Variants in CIMIP2C observed in about 807,000 individuals in gnomAD.
CIMIP2C encodes UPF0573 protein C2orf70.
chr2:26,571,466 A>G, the CIMIP2C span, among the ~76,000 whole-genome samples: 2 of 152,166 alleles, frequency 1.3e-5, no homozygotes, highest in African/African-American at 4.8e-5. Context: ...TGACACATGC[A>G]CCCCATGACT....
chr2:26,575,949 A>C, the CIMIP2C span: 2 of 1,613,480 alleles, frequency 1.2e-6, no homozygotes, highest in Non-Finnish European at 1.7e-6. Flanking sequence ...GGCGCTCCCT[A>C]CGGCACCACC....
chr2:26,564,024 G>T, the CIMIP2C span, among the ~76,000 whole-genome samples: 1 of 152,216 alleles, frequency 6.6e-6, no homozygotes, highest in East Asian at 1.9e-4. Flanking sequence ...AGACATTCAT[G>T]TGGGTCAGTG....
the CIMIP2C span, among the ~76,000 whole-genome samples, chr2:26,575,256 G>A: frequency 1.3e-5 from 2 of 152,214 alleles, no homozygotes; most frequent in Admixed American, 1.3e-4. Context: ...CTGGGAGCAA[G>A]GCTGCGGCGT....
At chr2:26,563,130 G>C in the CIMIP2C span, 4 of 165,304 alleles carry the variant, frequency 2.4e-5, no homozygotes, top group South Asian at 7.2e-4. Flanking sequence ...GTTGGTTGAA[G>C]GAGGGAAGGA....
At chr2:26,577,154 G>C in the CIMIP2C span, among the ~76,000 whole-genome samples, 31 of 152,216 alleles carry the variant, frequency 2.0e-4, no homozygotes, top group African/African-American at 5.1e-4. Flanking sequence ...GGGAAGGAGA[G>C]GGGGGAGGAA....
At chr2:26,579,401 G>A in the CIMIP2C span, 18 of 1,613,966 alleles carry the variant, frequency 1.1e-5, no homozygotes, top group Middle Eastern at 1.6e-4. Flanking sequence ...CCACAGGAGC[G>A]GAAAAAGAGA....
At chr2:26,569,964 C>T in the CIMIP2C span, among the ~76,000 whole-genome samples, 1 of 152,168 alleles carries the variant, frequency 6.6e-6, no homozygotes, top group Non-Finnish European at 1.5e-5. Flanking sequence ...CAAAGGAACA[C>T]AAATGCAGGT....
the CIMIP2C span, among the ~76,000 whole-genome samples, chr2:26,572,954 A>G: frequency 1.3e-5 from 2 of 152,222 alleles, no homozygotes; most frequent in South Asian, 2.1e-4. Flanking sequence ...TATTGAATCT[A>G]TATCTTGATT....
At chr2:26,575,702 A>T in the CIMIP2C span, among the ~76,000 whole-genome samples, 1 of 152,094 alleles carries the variant, frequency 6.6e-6, no homozygotes, top group Admixed American at 6.5e-5. Context: ...TTATGTTTTT[A>T]TGTAGAGACA....
At chr2:26,572,235 T>C in the CIMIP2C span, 1 of 1,343,282 alleles carries the variant, frequency 7.4e-7, no homozygotes, top group Non-Finnish European at 1.0e-6. Context: ...TTTATAACAT[T>C]TACATTCCAT....
At chr2:26,573,474 C>G in the CIMIP2C span, among the ~76,000 whole-genome samples, 5 of 143,670 alleles carry the variant, frequency 3.5e-5, no homozygotes, top group East Asian at 9.7e-4. Flanking sequence ...AGGGAGGAGT[C>G]GGATGGGACA....
the CIMIP2C span, among the ~76,000 whole-genome samples, chr2:26,575,645 C>T: frequency 4.0e-4 from 61 of 152,200 alleles, no homozygotes; most frequent in South Asian, 8.3e-4. Flanking sequence ...AGATGGCCAC[C>T]GGGCTCCCCT....
the CIMIP2C span, among the ~76,000 whole-genome samples, chr2:26,567,359 G>A: frequency 6.6e-6 from 1 of 152,204 alleles, no homozygotes; most frequent in Non-Finnish European, 1.5e-5. Context: ...TTTCTCTCCT[G>A]CCGCCATGAG....
chr2:26,575,978 G>T, the CIMIP2C span: 53 of 1,613,962 alleles, frequency 3.3e-5, no homozygotes, highest in Middle Eastern at 1.6e-4. Flanking sequence ...GTACTTCCAG[G>T]ACCACCGCAA....
chr2:26,574,859 A>G, the CIMIP2C span, among the ~76,000 whole-genome samples: 1 of 152,242 alleles, frequency 6.6e-6, no homozygotes, highest in East Asian at 1.9e-4. Context: ...TGCAGCAGCA[A>G]GAGCACAGGC....
At chr2:26,571,525 C>T in the CIMIP2C span, among the ~76,000 whole-genome samples, 39 of 152,262 alleles carry the variant, frequency 2.6e-4, no homozygotes, top group African/African-American at 6.7e-4. Flanking sequence ...GGCTGAGCAC[C>T]GTGGGTCTTT....
the CIMIP2C span, among the ~76,000 whole-genome samples, chr2:26,577,030 G>C: frequency 3.5e-4 from 53 of 152,316 alleles, 2 homozygotes; most frequent in South Asian, 6.8e-3. Flanking sequence ...CAGCTTCCTC[G>C]GGAGAGGAGG....
At chr2:26,563,459 G>C in the CIMIP2C span, among the ~76,000 whole-genome samples, 2 of 152,086 alleles carry the variant, frequency 1.3e-5, no homozygotes, top group Non-Finnish European at 2.9e-5. Flanking sequence ...TTCTACTCTG[G>C]ACCGCCTCTC....
chr2:26,564,324 C>T, the CIMIP2C span, among the ~76,000 whole-genome samples: 7 of 152,242 alleles, frequency 4.6e-5, no homozygotes, highest in South Asian at 2.1e-4. Context: ...AACCCTGCCC[C>T]ACAGTTCCCC....
Sources: allele counts gnomAD v4.1 joint callset (sites outside exome capture counted in the v4.1 genomes callset), GRCh38; gene constraint gnomAD v4.1.1; transcripts MANE v1.5; gene names NCBI Gene and HGNC (gene_info 2026-07-23, HGNC 2026-07-21).